Variants in SDCCAG8 observed in about 807,000 individuals in gnomAD.
SDCCAG8 encodes SHH signaling and ciliogenesis regulator SDCCAG8, also known as serologically defined colon cancer antigen 8.
A neutral mutation model predicts 101.8 loss-of-function variants in SDCCAG8; 74 were observed. The ratio of observed to expected loss-of-function variants is 0.73; its 90% confidence interval spans 0.60 to 0.88. The LOEUF is 0.88. Ranked by LOEUF, SDCCAG8 falls within the 40% of genes least tolerant of loss-of-function variation. SDCCAG8 has a pLI of 0.00. For missense variants in SDCCAG8, 787 were observed against 822.6 expected, an observed-to-expected ratio of 0.96 and a Z score of 0.53; for synonymous variants, 281 against 292.9, an observed-to-expected ratio of 0.96 and a Z score of 0.41.
chr1:243,281,430 C>A (rs2069032193), intron 4 of SDCCAG8, among the ~76,000 whole-genome samples: 2 of 151,126 alleles, frequency 1.3e-5, no homozygotes, highest in South Asian at 4.2e-4. Context: ...GCCACCTTGC[C>A]CAGTTATTAT....
chr1:243,312,920 C>T (rs920554943), intron 8 of SDCCAG8, among the ~76,000 whole-genome samples: 4 of 152,144 alleles, frequency 2.6e-5, no homozygotes, highest in African/African-American at 9.7e-5. Flanking sequence ...TTTCACTTGG[C>T]CTCTTTATGC....
intron 4 of SDCCAG8, among the ~76,000 whole-genome samples, chr1:243,277,307 G>A (rs747304035): frequency 1.3e-5 from 2 of 152,142 alleles, no homozygotes; most frequent in Non-Finnish European, 2.9e-5. Flanking sequence ...TTAGCATTTG[G>A]TGTTGTCAGT....
intron 5 of SDCCAG8, among the ~76,000 whole-genome samples, chr1:243,290,300 A>G (rs1161458459): frequency 6.6e-6 from 1 of 152,056 alleles, no homozygotes; most frequent in Non-Finnish European, 1.5e-5. Context: ...ATCTTGGTTA[A>G]GTAGCATTCA....
chr1:243,275,184 A>G (rs1375280983), intron 4 of SDCCAG8, among the ~76,000 whole-genome samples: 1 of 152,212 alleles, frequency 6.6e-6, no homozygotes, highest in Non-Finnish European at 1.5e-5. Context: ...AGAAGGTTAT[A>G]TGCTCAACTG....
intron 10 of SDCCAG8, among the ~76,000 whole-genome samples, chr1:243,335,669 A>C (rs571270952): frequency 2.1e-4 from 32 of 152,180 alleles, no homozygotes; most frequent in Middle Eastern, 3.4e-3. Context: ...AAGGGAGTAC[A>C]TGTGCAGGTT....
chr1:243,464,979 T>C (rs1659850695), intron 16 of SDCCAG8, among the ~76,000 whole-genome samples: 1 of 152,250 alleles, frequency 6.6e-6, no homozygotes, highest in Admixed American at 6.5e-5. Flanking sequence ...ATTCCACCTC[T>C]ACTGGACTGT....
chr1:243,473,337 C>T (rs1403927569), intron 16 of SDCCAG8, among the ~76,000 whole-genome samples: 3 of 152,104 alleles, frequency 2.0e-5, no homozygotes, highest in African/African-American at 4.8e-5. Flanking sequence ...CTCTCTTTCC[C>T]GCCACCATCA....
chr1:243,302,262 C>CA (rs999728584), intron 6 of SDCCAG8, among the ~76,000 whole-genome samples: 13 of 151,184 alleles, frequency 8.6e-5, no homozygotes, highest in Admixed American at 5.3e-4. Context: ...CAAAACAAAA[C>CA]AAAAAAAAGG....
intron 12 of SDCCAG8, among the ~76,000 whole-genome samples, chr1:243,376,575 T>C (rs1272855544): frequency 6.6e-6 from 1 of 152,246 alleles, no homozygotes; most frequent in East Asian, 1.9e-4. Flanking sequence ...AAAAATTGTA[T>C]CTTTTCTTTT....
intron 9 of SDCCAG8, among the ~76,000 whole-genome samples, chr1:243,327,340 TA>T (rs1236195315): frequency 5.4e-5 from 8 of 146,930 alleles, no homozygotes; most frequent in Non-Finnish European, 1.1e-4. Flanking sequence ...ATTATAATTT[TA>T]TAGAAATTAA....
intron 5 of SDCCAG8, among the ~76,000 whole-genome samples, chr1:243,287,279 AT>A (rs1250061509): frequency 6.6e-6 from 1 of 152,210 alleles, no homozygotes; most frequent in Admixed American, 6.5e-5. Flanking sequence ...GGAAGTTTTC[AT>A]ACTTGCCTAT....
chr1:243,396,050 G>A (rs1168816473), intron 13 of SDCCAG8, among the ~76,000 whole-genome samples: 2 of 151,878 alleles, frequency 1.3e-5, no homozygotes, highest in Non-Finnish European at 2.9e-5. Flanking sequence ...TTACTTTTTT[G>A]CCATATATTT....
At chr1:243,348,043 T>C (rs1352229789) in intron 12 of SDCCAG8, among the ~76,000 whole-genome samples, 1 of 145,990 alleles carries the variant, frequency 6.8e-6, no homozygotes, top group African/African-American at 2.5e-5. Flanking sequence ...TTTTCTTTTT[T>C]TTTTTTTTTT....
chr1:243,316,161 A>T (rs150248044), intron 8 of SDCCAG8, among the ~76,000 whole-genome samples: 38 of 152,340 alleles, frequency 2.5e-4, no homozygotes, highest in Non-Finnish European at 4.6e-4. Flanking sequence ...AGATTGTGTT[A>T]AATTGTGAAT....
At chr1:243,407,872 G>A (rs909391165) in intron 13 of SDCCAG8, among the ~76,000 whole-genome samples, 9 of 152,140 alleles carry the variant, frequency 5.9e-5, no homozygotes, top group Admixed American at 5.9e-4. Context: ...TAAGGAAGTA[G>A]AGATTCCAGA....
At chr1:243,285,260 G>A (rs2069494666) in intron 4 of SDCCAG8, among the ~76,000 whole-genome samples, 1 of 152,164 alleles carries the variant, frequency 6.6e-6, no homozygotes, top group Admixed American at 6.5e-5. Flanking sequence ...ACCTCCTACA[G>A]AGGTTTCTGA....
In SDCCAG8 at chr1:243,458,234, G is replaced by C. The variant is rs976687324; in HGVS notation, c.1986-30780G>C. Among the ~76,000 whole-genome samples the C allele has an allele frequency of 6.6e-6, 1 of 152,084 alleles. No homozygotes were observed. Among genetic ancestry groups the C allele is most frequent in the Non-Finnish European group, 1.5e-5 (1 of 68,028 alleles). ...TTAGCCTCCCTGGCCAGGGACCCTG[G>C]CCTCTGCTTTTGTGTTTCAAGAATT... On this transcript the variant is annotated intron_variant, in intron 16 of 17. Coordinates refer to ENST00000366541, the MANE Select transcript of SDCCAG8 (RefSeq NM_006642.5). This position sits in a 1 kb window ranked among gnomAD's most constrained non-coding sequence, Gnocchi z 4.5.
intron 13 of SDCCAG8, among the ~76,000 whole-genome samples, chr1:243,383,200 C>G (rs575268721): frequency 3.9e-5 from 6 of 152,262 alleles, no homozygotes; most frequent in African/African-American, 1.4e-4. Context: ...AAGAATGATT[C>G]GAAGAGTATT....
At chr1:243,444,022 G>GA (rs2082724288) in intron 16 of SDCCAG8, among the ~76,000 whole-genome samples, 1 of 152,246 alleles carries the variant, frequency 6.6e-6, no homozygotes, top group South Asian at 2.1e-4. Context: ...CACACAAACT[G>GA]AAAATTACGC....
Sources: gnomAD v4.1 joint callset for allele counts (sites outside exome capture counted in the v4.1 genomes callset) on GRCh38, gnomAD v4.1.1 for gene constraint, Gnocchi (gnomAD v3.1) non-coding constraint, MANE v1.5 for transcripts, NCBI Gene and HGNC (gene_info 2026-07-23, HGNC 2026-07-21) for gene names.